Variants in CARM1 observed in about 807,000 individuals in gnomAD.
The protein encoded by CARM1 is coactivator associated arginine methyltransferase 1, also known as histone-arginine methyltransferase CARM1.
Under a neutral mutation model 72.7 loss-of-function variants are expected in CARM1, and 14 were observed. That is an observed-to-expected ratio of 0.19 (90% CI 0.13 to 0.30). The LOEUF (loss-of-function observed/expected upper bound fraction) is 0.30, where lower values mean the gene tolerates loss of function less well. Ranked by LOEUF, CARM1 falls within the 10% of genes least tolerant of loss-of-function variation. CARM1 has a pLI of 1.00. For missense variants in CARM1, 432 were observed against 833.7 expected, an observed-to-expected ratio of 0.52 and a Z score of 5.93; for synonymous variants, 333 against 345.5, an observed-to-expected ratio of 0.96 and a Z score of 0.40.
At chr19:10,882,767 C>T (rs145423304) in intron 1 of CARM1, among the ~76,000 whole-genome samples, 9 of 152,130 alleles carry the variant, frequency 5.9e-5, no homozygotes, top group Admixed American at 2.6e-4. Flanking sequence ...GCCTCGAACT[C>T]CTAACCTCAA....
chr19:10,878,723 G>T (rs1409620313), intron 1 of CARM1, among the ~76,000 whole-genome samples: 2 of 151,936 alleles, frequency 1.3e-5, no homozygotes, highest in Middle Eastern at 6.8e-3. Flanking sequence ...TATTTTTTGT[G>T]CTCTAATGCT....
Position 10,896,566 on chromosome 19 carries a change from C to G in CARM1, c.221-8385C>G, listed in dbSNP as rs1177683837. ...TGCCCAGAGCCAAGCCACCAGTCCA[C>G]TGGGGCCTCTTGCAGTCCCTCCACA... On this transcript the variant is annotated intron_variant, in intron 1 of 15. Coordinates refer to ENST00000327064, the MANE Select transcript of CARM1 (RefSeq NM_199141.2). This position sits in a 1 kb window ranked among gnomAD's most constrained non-coding sequence, Gnocchi z 5.2. Among the ~76,000 whole-genome samples, 2 of 152,174 alleles carry G rather than the reference C, an allele frequency of 1.3e-5. No individual in the cohort carries two copies. The highest frequency in any genetic ancestry group is 2.9e-5 in the Non-Finnish European group (2 of 68,034).
intron 2 of CARM1, 43 bp from the exon 3 acceptor site, chr19:10,907,996 G>T: frequency 1.6e-6 from 2 of 1,271,472 alleles, no homozygotes; most frequent in South Asian, 1.2e-5. Context: ...GCCACATGCT[G>T]GGTTGCTGAC....
intron 5 of CARM1, among the ~76,000 whole-genome samples, chr19:10,913,462 C>T (rs1304527258): frequency 2.0e-5 from 3 of 151,502 alleles, no homozygotes; most frequent in Non-Finnish European, 4.4e-5. Flanking sequence ...CGCTAGAACC[C>T]GGGAGGCAGA....
chr19:10,888,645 C>A (rs370733911), intron 1 of CARM1, among the ~76,000 whole-genome samples: 121 of 152,240 alleles, frequency 7.9e-4, no homozygotes, highest in Middle Eastern at 6.8e-3. Flanking sequence ...CCCCCACCCC[C>A]TACCCTCCAC....
intron 1 of CARM1, among the ~76,000 whole-genome samples, chr19:10,899,433 G>A (rs2074048124): frequency 6.6e-6 from 1 of 152,252 alleles, no homozygotes; most frequent in African/African-American, 2.4e-5. Flanking sequence ...ACCATGCCAA[G>A]GTTGGATGTC....
At chr19:10,898,518 C>T (rs893126469) in intron 1 of CARM1, among the ~76,000 whole-genome samples, 1 of 152,248 alleles carries the variant, frequency 6.6e-6, no homozygotes, top group Non-Finnish European at 1.5e-5. Context: ...GAGGCCAACA[C>T]AGAGGGCCTT....
At chr19:10,886,656 T>A (rs1191789577) in intron 1 of CARM1, among the ~76,000 whole-genome samples, 1 of 151,900 alleles carries the variant, frequency 6.6e-6, no homozygotes, top group Non-Finnish European at 1.5e-5. Flanking sequence ...TGAAACCCCA[T>A]CCCTACTAAA....
chr19:10,880,559 G>A (rs1330290962), intron 1 of CARM1, among the ~76,000 whole-genome samples: 4 of 121,240 alleles, frequency 3.3e-5, no homozygotes, highest in Non-Finnish European at 6.5e-5. Context: ...TCACTATGTT[G>A]CTCAGGCGGA....
At chr19:10,904,093 C>T (rs1194327792) in intron 1 of CARM1, among the ~76,000 whole-genome samples, 1 of 152,228 alleles carries the variant, frequency 6.6e-6, no homozygotes, top group South Asian at 2.1e-4. Flanking sequence ...TCTTTCTTGT[C>T]TCCTGCACTC....
intron 1 of CARM1, among the ~76,000 whole-genome samples, chr19:10,875,023 GAAAA>G (rs111550589): frequency 7.8e-6 from 1 of 127,990 alleles, no homozygotes. Context: ...GACCCTGTCT[GAAAA>G]AAAAAAAAAA....
At chr19:10,894,358 C>T (rs1473858498) in intron 1 of CARM1, among the ~76,000 whole-genome samples, 1 of 152,120 alleles carries the variant, frequency 6.6e-6, no homozygotes, top group Non-Finnish European at 1.5e-5. Context: ...GAGTGGGCTT[C>T]AGAAAGCGTG....
Position 10,896,494 on chromosome 19 carries a change from T to C in CARM1, c.221-8457T>C. ...AGCACTTGGCTCCTTCCCTATCCTG[T>C]GTGACGGTGGGTCTCTCCCCACCCT... On this transcript the variant is annotated intron_variant, in intron 1 of 15. Coordinates refer to ENST00000327064, the MANE Select transcript of CARM1 (RefSeq NM_199141.2). The surrounding 1 kb of genome is among the most constrained non-coding windows in gnomAD (Gnocchi z 5.2). 6.6e-6 allele frequency among the ~76,000 whole-genome samples: 1 copy of C among 151,986 alleles called. No homozygotes were observed. The highest frequency in any genetic ancestry group is 2.1e-4 in the South Asian group (1 of 4,812).
chr19:10,920,909 C>G lies in CARM1; in HGVS notation c.1500C>G (p.Gly500=), dbSNP rs758244273. ...TSPSENMWNT[G]STYNLSSGMA... is the part of the protein sequence containing the mutation. ...CCTCGGAAAACATGTGGAACACGGG[C>G]AGCACCTACAACCTCAGCAGCGGGA... The change falls in exon 13 of 16, where the codon GGC becomes GGG. Residue 500 remains glycine, a synonymous_variant. Transcript: ENST00000327064. The surrounding 1 kb of genome is among the most constrained non-coding windows in gnomAD (Gnocchi z 5.3). 4.3e-6 allele frequency: 7 copies of G among 1,614,146 alleles called. No individual in the cohort carries two copies. The highest frequency in any genetic ancestry group is 5.9e-6 in the Non-Finnish European group (7 of 1,180,042).
chr19:10,921,748 C>A lies in CARM1; in HGVS notation c.1818C>A (p.Tyr606Ter). The A allele has an allele frequency of 6.2e-7, 1 of 1,602,012 alleles. No homozygotes were observed. The highest frequency in any genetic ancestry group is 8.5e-7 in the Non-Finnish European group (1 of 1,172,466). The change falls in exon 16 of 16, where the codon TAC becomes TAA. Residue 606 changes from tyrosine (Y) to a stop codon, truncating the protein, a stop_gained. Coordinates refer to ENST00000327064, the MANE Select transcript of CARM1 (RefSeq NM_199141.2). LOFTEE classifies it high-confidence loss of function. ...CCATCCCGACCAACACCATGCACTACGGGAGCTAGGGGCCCGCCCCGCGGA... is the reference window on the plus strand; with the variant it reads ...CCATCCCGACCAACACCATGCACTAAGGGAGCTAGGGGCCCGCCCCGCGGA... ...PMSIPTNTMHYGS is the reference protein window; with the variant it reads ...PMSIPTNTMH
At chr19:10,873,011 G>A (rs1436373901) in intron 1 of CARM1, among the ~76,000 whole-genome samples, 1 of 152,158 alleles carries the variant, frequency 6.6e-6, no homozygotes, top group Non-Finnish European at 1.5e-5. Flanking sequence ...GTGGACTAAA[G>A]GAGTTGTGTC....
At chr19:10,899,333 A>G (rs2074047199) in intron 1 of CARM1, among the ~76,000 whole-genome samples, 1 of 152,200 alleles carries the variant, frequency 6.6e-6, no homozygotes, top group Non-Finnish European at 1.5e-5. Flanking sequence ...CTGCTTGGTA[A>G]ACAGGCCTCC....
chr19:10,890,728 GAC>G (rs1266545884), intron 1 of CARM1, among the ~76,000 whole-genome samples: 4 of 133,874 alleles, frequency 3.0e-5, no homozygotes, highest in African/African-American at 8.5e-5. Flanking sequence ...TGAATATATA[GAC>G]ACATATATAC....
intron 1 of CARM1, among the ~76,000 whole-genome samples, chr19:10,892,697 A>C (rs1034440195): frequency 6.6e-6 from 1 of 152,160 alleles, no homozygotes; most frequent in African/African-American, 2.4e-5. Context: ...CACTGCAGGG[A>C]GGGGTTTTCA....
Sources: gnomAD v4.1 joint callset for allele counts (sites outside exome capture counted in the v4.1 genomes callset) on GRCh38, gnomAD v4.1.1 for gene constraint, Gnocchi (gnomAD v3.1) non-coding constraint, MANE v1.5 for transcripts, NCBI Gene and HGNC (gene_info 2026-07-23, HGNC 2026-07-21) for gene names.